Variants in PCM1 observed in about 807,000 individuals in gnomAD.
The protein encoded by PCM1 is pericentriolar material 1, also known as pericentriolar material 1 protein.
In PCM1, 157 loss-of-function variants were observed where a neutral mutation model predicts 241.9. The observed-to-expected ratio is 0.65, with a 90% confidence interval of 0.57 to 0.74. The LOEUF (loss-of-function observed/expected upper bound fraction) is 0.74, where lower values mean the gene tolerates loss of function less well. Ranked by LOEUF, PCM1 falls within the 30% of genes least tolerant of loss-of-function variation. The probability of loss-of-function intolerance (pLI) is 0.00; values close to 1 mark genes in which losing one functional copy is unlikely to be tolerated. For missense variants in PCM1, 3,478 were observed against 2,360.1 expected, an observed-to-expected ratio of 1.47 and a Z score of -9.81; for synonymous variants, 1,085 against 784.9, an observed-to-expected ratio of 1.38 and a Z score of -6.39.
chr8:17,996,555 C>T (rs947736600), intron 29 of PCM1, among the ~76,000 whole-genome samples: 11 of 151,826 alleles, frequency 7.2e-5, no homozygotes, highest in African/African-American at 1.2e-4. Flanking sequence ...CTTTTTGTTT[C>T]GTTGCTCTTT....
intron 6 of PCM1, among the ~76,000 whole-genome samples, chr8:17,946,009 A>G (rs756601833): frequency 6.6e-6 from 1 of 152,192 alleles, no homozygotes; most frequent in Non-Finnish European, 1.5e-5. Context: ...CAATTACGGT[A>G]TACGTTTCGA....
intron 23 of PCM1, among the ~76,000 whole-genome samples, chr8:17,974,718 CAA>C (rs2078057005): frequency 6.6e-6 from 1 of 152,292 alleles, no homozygotes; most frequent in African/African-American, 2.4e-5. Context: ...CTTTTAACTT[CAA>C]GACAAAGATT....
intron 23 of PCM1, among the ~76,000 whole-genome samples, chr8:17,973,639 C>T (rs558843687): frequency 1.3e-5 from 2 of 151,872 alleles, no homozygotes; most frequent in Non-Finnish European, 2.9e-5. Flanking sequence ...ATCGCTTGAA[C>T]CTGGGAGGCA....
chr8:17,941,050 A>G (rs558645900), intron 6 of PCM1, among the ~76,000 whole-genome samples: 1 of 152,218 alleles, frequency 6.6e-6, no homozygotes, highest in South Asian at 2.1e-4. Flanking sequence ...GGACCTTCCT[A>G]ATTTGAAGAG....
chr8:17,954,965 C>T (rs1277378522), intron 9 of PCM1, among the ~76,000 whole-genome samples: 1 of 151,894 alleles, frequency 6.6e-6, no homozygotes, highest in African/African-American at 2.4e-5. Flanking sequence ...TCTTGGTGTC[C>T]AGATGTGACA....
rs2087452203 is a variant in PCM1, at chr8:17,997,792, G to A, written c.4827+4173G>A. 2.6e-5 allele frequency among the ~76,000 whole-genome samples: 4 copies of A among 151,664 alleles called. No individual in the cohort carries two copies. In the South Asian group the frequency reaches 8.3e-4, roughly 31 times the overall value. On this transcript the variant is annotated intron_variant, in intron 29 of 38. Coordinates refer to ENST00000325083, the MANE Select transcript of PCM1 (RefSeq NM_006197.4). ...TGTGATCCCAGCACTTTGGGAGGCT[G>A]GGGCGGGTGATCACTTGAGGTCAGG... is the stretch of plus-strand genomic sequence containing the variant.
Position 18,011,363 on chromosome 8 carries a change from ATTAG to A in PCM1, c.5349_5350+2del. 1 of 1,587,150 alleles carries A rather than the reference ATTAG, an allele frequency of 6.3e-7. No homozygotes were observed. Among genetic ancestry groups the A allele is most frequent in the Non-Finnish European group, 8.5e-7 (1 of 1,170,578 alleles). ...AGAAAGTGAAGGATGTCCAGTGTCTATTAGTAAGTTTAAAGGCTCTGTACTATCT... is the reference window on the plus strand; with the variant it reads ...AGAAAGTGAAGGATGTCCAGTGTCTATAAGTTTAAAGGCTCTGTACTATCT... On this transcript the variant is annotated splice_donor_variant and coding_sequence_variant, in exon 33 of 39. Coordinates refer to ENST00000325083, the MANE Select transcript of PCM1 (RefSeq NM_006197.4). LOFTEE classifies it high-confidence loss of function.
Position 17,955,521 on chromosome 8 carries a change from C to G in PCM1, c.1340C>G (p.Ser447Cys), listed in dbSNP as rs1465187367. 1.6e-5 allele frequency: 26 copies of G among 1,613,782 alleles called. No individual in the cohort carries two copies. Among genetic ancestry groups the G allele is most frequent in the Non-Finnish European group, 2.2e-5 (26 of 1,179,782 alleles). ...DQRSTSAPSA[S>C]VGLAPVVNGE... ...AGAAGTACTTCAGCTCCCTCTGCTT[C>G]TGTAGGCTTGGCACCGGTTGTCAAT... Residue 447 changes from serine (S) to cysteine (C), a missense_variant, in exon 10 of 39, where the codon TCT becomes TGT. Transcript: ENST00000325083.
chr8:17,961,045 T>A (rs574775884), intron 15 of PCM1, among the ~76,000 whole-genome samples: 2 of 152,176 alleles, frequency 1.3e-5, no homozygotes, highest in Non-Finnish European at 2.9e-5. Context: ...TTTGCAGTTA[T>A]GGACCAGCAT....
chr8:18,013,926 A>G, intron 34 of PCM1, 38 bp from the exon 35 acceptor site: 3 of 1,265,366 alleles, frequency 2.4e-6, no homozygotes, highest in Non-Finnish European at 3.4e-6. Context: ...GTGACCATAT[A>G]TTTCAGGCCC....
At chr8:17,941,562 C>T (rs1222028935) in intron 6 of PCM1, among the ~76,000 whole-genome samples, 2 of 149,472 alleles carry the variant, frequency 1.3e-5, no homozygotes, top group Admixed American at 6.7e-5. Flanking sequence ...TGGACTGGTA[C>T]TTTTTAAATT....
intron 26 of PCM1, among the ~76,000 whole-genome samples, chr8:17,987,378 C>A (rs1327878306): frequency 6.6e-6 from 1 of 151,774 alleles, no homozygotes; most frequent in Non-Finnish European, 1.5e-5. Flanking sequence ...ATCCTTAATT[C>A]CAGTGCTTTC....
At chr8:17,947,655 G>T (rs1391877770) in intron 7 of PCM1, among the ~76,000 whole-genome samples, 1 of 152,170 alleles carries the variant, frequency 6.6e-6, no homozygotes, top group African/African-American at 2.4e-5. Context: ...ACCTCAGACT[G>T]ATAAGGCTCA....
At chr8:17,934,364 C>A (rs1164124822) in intron 2 of PCM1, among the ~76,000 whole-genome samples, 1 of 151,718 alleles carries the variant, frequency 6.6e-6, no homozygotes, top group African/African-American at 2.4e-5. Context: ...TCTGTTGAAG[C>A]CATACTCCTG....
intron 38 of PCM1, among the ~76,000 whole-genome samples, chr8:18,027,383 T>A (rs2094311638): frequency 6.6e-6 from 1 of 152,104 alleles, no homozygotes; most frequent in Non-Finnish European, 1.5e-5. Context: ...TTCTATTCTA[T>A]AGTTGTTTTC....
rs2082318429 is a variant in PCM1, at chr8:17,985,602, G to A, written c.4264G>A (p.Ala1422Thr). ...LLNTDYLRQR[A>T]LYALQDIVSR... Reference sequence around the variant, plus strand: ...AAACACAGACTACTTGAGACAGAGGGCTTTATATGCATTGCAGGTATCTGG... The same window carrying A: ...AAACACAGACTACTTGAGACAGAGGACTTTATATGCATTGCAGGTATCTGG... The change falls in exon 25 of 39, where the codon GCT (alanine) becomes ACT (threonine). Residue 1422 changes from alanine (A) to threonine (T), a missense_variant. Transcript: ENST00000325083. 2 of 1,605,622 alleles carry A rather than the reference G, an allele frequency of 1.2e-6. No homozygotes were observed. The highest frequency in any genetic ancestry group is 1.3e-5 in the African/African-American group (1 of 74,742).
intron 34 of PCM1, 134 bp from the exon 35 acceptor site, chr8:18,013,830 A>G: frequency 1.6e-6 from 1 of 612,374 alleles, no homozygotes; most frequent in Non-Finnish European, 2.9e-6. Flanking sequence ...CCTCCTTGAA[A>G]TAGTTTTAGA....
chr8:17,996,439 G>A (rs748910395), intron 29 of PCM1, among the ~76,000 whole-genome samples: 1 of 151,978 alleles, frequency 6.6e-6, no homozygotes, highest in African/African-American at 2.4e-5. Context: ...CCGAGGTATC[G>A]GTTGTAATGT....
At chr8:17,998,415 G>C (rs2087809965) in intron 29 of PCM1, among the ~76,000 whole-genome samples, 1 of 152,186 alleles carries the variant, frequency 6.6e-6, no homozygotes, top group Admixed American at 6.5e-5. Context: ...CAGACTCATA[G>C]CGGTATACCA....
Sources: gnomAD v4.1 joint callset for allele counts (sites outside exome capture counted in the v4.1 genomes callset) on GRCh38, gnomAD v4.1.1 for gene constraint, MANE v1.5 for transcripts, NCBI Gene and HGNC (gene_info 2026-07-23, HGNC 2026-07-21) for gene names.